DSCAM: variants seen among roughly 807,000 people sequenced by gnomAD.
DSCAM encodes cell adhesion molecule DSCAM.
DSCAM carries 47 observed loss-of-function variants against 217.7 expected under a neutral mutation model. The observed-to-expected ratio is 0.22, with a 90% CI of 0.17 to 0.28. The LOEUF is 0.28. DSCAM is among the 10% of genes least tolerant of loss of function. DSCAM has a pLI of 1.00. For missense variants in DSCAM, 2,080 were observed against 2,618.3 expected, an observed-to-expected ratio of 0.79 and a Z score of 4.49; for synonymous variants, 1,056 against 1,015.3, an observed-to-expected ratio of 1.04 and a Z score of -0.76.
intron 29 of DSCAM, among the ~76,000 whole-genome samples, chr21:40,053,837 A>G (rs564314043): frequency 1.3e-5 from 2 of 152,338 alleles, no homozygotes; most frequent in South Asian, 4.1e-4. Context: ...GGAAGGCCAT[A>G]GACCACTCAT....
chr21:40,309,535 G>A (rs1443190125), intron 9 of DSCAM, among the ~76,000 whole-genome samples: 3 of 152,052 alleles, frequency 2.0e-5, no homozygotes. Context: ...ATGCTGGAGT[G>A]CCCTAGTGAC....
chr21:40,500,546 C>T (rs908983932), intron 3 of DSCAM, among the ~76,000 whole-genome samples: 14 of 150,204 alleles, frequency 9.3e-5, no homozygotes, highest in African/African-American at 1.7e-4. Flanking sequence ...TGGATGCAGA[C>T]GGTACTCTTG....
In DSCAM at chr21:40,511,990, C is replaced by CAAAAA. The variant is rs780829574; in HGVS notation, c.509-142750_509-142746dup. ...TGGGCGACAGAGTGAGACTCTGTCTCAAAAAAAAAAAAAAAAAAAAGTATT... is the reference window on the plus strand; with the variant it reads ...TGGGCGACAGAGTGAGACTCTGTCTCAAAAAAAAAAAAAAAAAAAAAAAAAGTATT... On this transcript the variant is annotated intron_variant, in intron 3 of 32. Coordinates refer to ENST00000400454, the MANE Select transcript of DSCAM (RefSeq NM_001389.5). Among the ~76,000 whole-genome samples, 31 of 26,792 alleles carry CAAAAA rather than the reference C, an allele frequency of 1.2e-3. 4 individuals carry two copies. The highest frequency in any genetic ancestry group is 4.5e-3 in the East Asian group (5 of 1,104). The allele number at this position is 26,792 out of a possible 152,430, so 17.6% of individuals were successfully genotyped here.
rs908132182 is a variant in DSCAM at position 40,096,704 on chromosome 21, TA to T, written c.3697-2831del. ...CAGTGAATTCTAGCCACAAGAATAT[TA>T]AAAAAAAAAACTGTACCAAGGAGCA... On this transcript the variant is annotated intron_variant, in intron 20 of 32. Coordinates refer to ENST00000400454, the MANE Select transcript of DSCAM (RefSeq NM_001389.5). 7.2e-4 allele frequency among the ~76,000 whole-genome samples: 105 copies of T among 145,686 alleles called. 1 individual carries two copies. The highest frequency in any genetic ancestry group is 1.0e-3 in the Non-Finnish European group (68 of 65,948).
intron 3 of DSCAM, among the ~76,000 whole-genome samples, chr21:40,597,753 C>T (rs1568929138): frequency 1.3e-5 from 2 of 152,066 alleles, no homozygotes; most frequent in Admixed American, 6.5e-5. Context: ...CTCAGGTGAT[C>T]CATCCGCCTC....
intron 3 of DSCAM, among the ~76,000 whole-genome samples, chr21:40,479,532 G>A (rs1367448429): frequency 2.0e-5 from 3 of 152,202 alleles, no homozygotes; most frequent in African/African-American, 7.2e-5. Context: ...CATGGCAGAA[G>A]GCAAAGGAGG....
At chr21:40,598,840 C>T (rs1479660223) in intron 3 of DSCAM, among the ~76,000 whole-genome samples, 1 of 152,082 alleles carries the variant, frequency 6.6e-6, no homozygotes, top group Admixed American at 6.6e-5. Context: ...GTCTCTGTTA[C>T]TCCACATCTC....
intron 15 of DSCAM, among the ~76,000 whole-genome samples, chr21:40,178,316 G>C (rs771152397): frequency 9.2e-5 from 14 of 152,100 alleles, no homozygotes; most frequent in Non-Finnish European, 1.6e-4. Flanking sequence ...GCCTGTTCCT[G>C]GGTTAGCTCT....
At chr21:40,771,993 G>A (rs184434826) in intron 1 of DSCAM, among the ~76,000 whole-genome samples, 1 of 152,210 alleles carries the variant, frequency 6.6e-6, no homozygotes, top group Admixed American at 6.5e-5. Context: ...TGGGAAAGAG[G>A]CCATGAAACA....
At chr21:40,745,743 A>T (rs566617869) in intron 1 of DSCAM, among the ~76,000 whole-genome samples, 1 of 152,292 alleles carries the variant, frequency 6.6e-6, no homozygotes, top group Admixed American at 6.5e-5. Context: ...AAGTAAGAAT[A>T]CAGACAAATT....
chr21:40,572,218 G>C (rs533106881), intron 3 of DSCAM, among the ~76,000 whole-genome samples: 35 of 151,848 alleles, frequency 2.3e-4, no homozygotes, highest in Non-Finnish European at 4.3e-4. Flanking sequence ...TGAGAGAATA[G>C]AATTATATAA....
At chr21:40,319,087 T>C (rs560195488) in intron 8 of DSCAM, among the ~76,000 whole-genome samples, 1 of 152,342 alleles carries the variant, frequency 6.6e-6, no homozygotes, top group East Asian at 1.9e-4. Context: ...ATGTTTCAAG[T>C]ATCTGTTTTT....
At chr21:40,708,132 A>AG (rs2146481932) in intron 2 of DSCAM, among the ~76,000 whole-genome samples, 5 of 152,052 alleles carry the variant, frequency 3.3e-5, no homozygotes, top group South Asian at 2.1e-4. Flanking sequence ...GGAAAAAAGG[A>AG]GGGGTGGAAG....
rs570522132 is a variant in DSCAM, at chr21:40,489,636, G to A, written c.509-120391C>T. Among the ~76,000 whole-genome samples the A allele has an allele frequency of 1.3e-3, 190 of 151,520 alleles. 1 individual carries two copies. The highest frequency in any genetic ancestry group is 1.8e-3 in the Non-Finnish European group (124 of 67,772). On this transcript the variant is annotated intron_variant, in intron 3 of 32. Transcript: ENST00000400454. The stretch of plus-strand genomic sequence containing the variant: ...AAAAATACAAAAAAATTAGCCGGGC[G>A]TAGTGGCAGGCGCCTGTAGTCCCAG...
chr21:40,744,997 GAATAC>G (rs2091160146), intron 1 of DSCAM, among the ~76,000 whole-genome samples: 1 of 152,002 alleles, frequency 6.6e-6, no homozygotes, highest in Admixed American at 6.6e-5. Context: ...TAAGAATAAA[GAATAC>G]AATAACTGAA....
chr21:40,664,152 G>A (rs1344525951), intron 3 of DSCAM, among the ~76,000 whole-genome samples: 3 of 152,104 alleles, frequency 2.0e-5, no homozygotes, highest in Admixed American at 6.5e-5. Context: ...CATAGTCCGG[G>A]ATAAAGGAAA....
intron 11 of DSCAM, among the ~76,000 whole-genome samples, chr21:40,196,145 C>T (rs2091005274): frequency 6.6e-6 from 1 of 152,192 alleles, no homozygotes; most frequent in African/African-American, 2.4e-5. Flanking sequence ...AACTGCCGCA[C>T]CCTGGCCTGC....
At chr21:40,834,389 AGAGT>A (rs2092038544) in intron 1 of DSCAM, among the ~76,000 whole-genome samples, 1 of 149,484 alleles carries the variant, frequency 6.7e-6, no homozygotes, top group South Asian at 2.1e-4. Context: ...CCTGGGCGAC[AGAGT>A]GAGACTCTGT....
chr21:40,570,660 G>T (rs754454272), intron 3 of DSCAM, among the ~76,000 whole-genome samples: 10 of 152,186 alleles, frequency 6.6e-5, no homozygotes, highest in Non-Finnish European at 8.8e-5. Context: ...GTGAACAGGT[G>T]AAGAACTACA....
Sources: allele counts gnomAD v4.1 joint callset (sites outside exome capture counted in the v4.1 genomes callset), GRCh38; gene constraint gnomAD v4.1.1; transcripts MANE v1.5; gene names NCBI Gene and HGNC (gene_info 2026-07-23, HGNC 2026-07-21).